The following IER3IP1 variants were observed in gnomAD, a reference collection of about 807,000 sequenced individuals.
IER3IP1 encodes immediate early response 3 interacting protein 1, also known as immediate early response 3-interacting protein 1.
IER3IP1 carries 16 observed loss-of-function variants against 12.2 expected under a neutral mutation model. That is an observed-to-expected ratio of 1.31 (90% CI 0.89 to 1.99). IER3IP1 has a LOEUF of 1.99. Ranked by LOEUF, IER3IP1 falls within the 30% of genes most tolerant of loss-of-function variation. IER3IP1 has a pLI of 0.00. For missense variants in IER3IP1, 95 were observed against 95.8 expected (o/e 0.99, Z 0.03); for synonymous variants, 42 against 40.0 (o/e 1.05, Z -0.19).
rs1262080519 is a variant in IER3IP1 at position 47,155,669 on chromosome 18, CAAAAT to C, written c.*503_*507del. 3 of 152,442 alleles carry C rather than the reference CAAAAT, an allele frequency of 2.0e-5. No homozygotes were observed. In the East Asian group the frequency reaches 5.8e-4, roughly 29 times the overall value. 9.4% of individuals were successfully genotyped at this position (152,442 alleles called of 1,614,324 possible). ...TTGAATTTATAGCTGAGACAATAGA[CAAAAT>C]AATTAACCAAGGAGCTTAAAATAAA... On this transcript the variant is annotated 3_prime_UTR_variant, in exon 3 of 3. Transcript: ENST00000256433.
rs35347851 is a variant in IER3IP1, at chr18:47,168,301, C to CAAAAAAAAAA, written c.91+7876_91+7885dup. Among the ~76,000 whole-genome samples, 154 of 107,090 alleles carry CAAAAAAAAAA rather than the reference C, an allele frequency of 1.4e-3. 1 individual carries two copies. Among genetic ancestry groups the CAAAAAAAAAA allele is most frequent in the African/African-American group, 4.4e-3 (115 of 26,140 alleles). The allele number at this position is 107,090 out of a possible 152,430, so 70.3% of individuals were successfully genotyped here. A position where few individuals can be genotyped will look rare whatever the true frequency, so the allele number is the denominator to read the frequency against. On this transcript the variant is annotated intron_variant, in intron 1 of 2. Transcript: ENST00000256433. The stretch of plus-strand genomic sequence containing the variant: ...TGGGCCACAGTGCAAGACTCCATCA[C>CAAAAAAAAAA]AAAAAAAAAAAAAAAAAGACAAAAA...
chr18:47,158,231 T>G (rs1458038495), intron 1 of IER3IP1, among the ~76,000 whole-genome samples: 1 of 152,242 alleles, frequency 6.6e-6, no homozygotes, highest in East Asian at 1.9e-4. Flanking sequence ...GGTCTCACTT[T>G]GCTGCCTAGG....
chr18:47,176,252 A>C lies in IER3IP1; in HGVS notation c.26T>G (p.Leu9Arg), dbSNP rs964473449. 1 of 1,609,614 alleles carries C rather than the reference A, an allele frequency of 6.2e-7. No homozygotes were observed. The highest frequency in any genetic ancestry group is 8.5e-7 in the Non-Finnish European group (1 of 1,178,160). MAFTLYSL[L>R]QAALLCVNAI... ...GTTGACGCAGAGCAGGGCTGCCTGC[A>C]GCAGTGAGTACAGGGTAAAGGCCAT... Residue 9 changes from leucine to arginine, a missense_variant, in exon 1 of 3, where the codon CTG (leucine) becomes CGG (arginine). Transcript: ENST00000256433.
At chr18:47,176,135 GC>G in intron 1 of IER3IP1, 51 bp downstream of exon 1, 3 of 1,473,410 alleles carry the variant, frequency 2.0e-6, no homozygotes, top group Non-Finnish European at 1.9e-6. Flanking sequence ...TAGGTTACGC[GC>G]CCCCGGGGAC....
chr18:47,157,494 C>A lies in IER3IP1; in HGVS notation c.135G>T (p.Glu45Asp). Residue 45 changes from glutamate (E) to aspartate (D), a missense_variant, in exon 2 of 3, where the codon GAG becomes GAT. Transcript: ENST00000256433. Reference sequence around the variant, plus strand: ...TCATTAGCTGTGATTTAATTCCCGGCTCTTCTCCAAATCCACCAATTCCCT... The same window carrying A: ...TCATTAGCTGTGATTTAATTCCCGGATCTTCTCCAAATCCACCAATTCCCT... Reference protein sequence around the residue: ...TDQGIGGFGEEPGIKSQLMNL... With the variant: ...TDQGIGGFGEDPGIKSQLMNL... 2 of 1,614,176 alleles carry A rather than the reference C, an allele frequency of 1.2e-6. No homozygotes were observed. The highest frequency in any genetic ancestry group is 1.7e-6 in the Non-Finnish European group (2 of 1,180,028).
At chr18:47,162,245 T>C (rs921052759) in intron 1 of IER3IP1, among the ~76,000 whole-genome samples, 8 of 152,172 alleles carry the variant, frequency 5.3e-5, no homozygotes, top group Non-Finnish European at 1.2e-4. Context: ...TTTGGGGGCC[T>C]CACCTCAATG....
intron 1 of IER3IP1, among the ~76,000 whole-genome samples, chr18:47,173,130 C>T (rs533863455): frequency 2.0e-5 from 3 of 152,172 alleles, no homozygotes; most frequent in African/African-American, 4.8e-5. Context: ...TCTCCACTTG[C>T]GTATCTCATA....
At position 47,172,853 on chromosome 18, in the gene IER3IP1, C is replaced by T. The variant is rs1167499891; in HGVS notation, c.91+3334G>A. On this transcript the variant is annotated intron_variant, in intron 1 of 2. Transcript: ENST00000256433. This position sits in a 1 kb window ranked among gnomAD's most constrained non-coding sequence, Gnocchi z 4.0. Reference sequence around the variant, plus strand: ...ACACTTCCTGACTCTGGTGAAATCCCACTGTCTAGGTTTTTCCATCTCTCT... The same window carrying T: ...ACACTTCCTGACTCTGGTGAAATCCTACTGTCTAGGTTTTTCCATCTCTCT... Among the ~76,000 whole-genome samples, 8 of 152,152 alleles carry T rather than the reference C, an allele frequency of 5.3e-5. No individual in the cohort carries two copies. In the South Asian group the frequency reaches 8.3e-4, roughly 16 times the overall value.
Position 47,176,307 on chromosome 18 carries a change from C to G in IER3IP1, c.-30G>C, listed in dbSNP as rs2064034030. The G allele has an allele frequency of 3.8e-6, 6 of 1,565,974 alleles. No homozygotes were observed. Among genetic ancestry groups the G allele is most frequent in the Non-Finnish European group, 4.3e-6 (5 of 1,150,164 alleles). ...GTCCGAGGCCGCCCCGAAGTCCAAG[C>G]GATTTCTCTCCCGCCGCCGCAAGGG... On this transcript the variant is annotated 5_prime_UTR_variant, in exon 1 of 3. Coordinates refer to ENST00000256433, the MANE Select transcript of IER3IP1 (RefSeq NM_016097.5).
At chr18:47,163,565 T>A (rs2063986461) in intron 1 of IER3IP1, among the ~76,000 whole-genome samples, 1 of 152,222 alleles carries the variant, frequency 6.6e-6, no homozygotes, top group African/African-American at 2.4e-5. Context: ...AGGACTAGTA[T>A]ACTTGTGCTC....
chr18:47,158,209 A>G (rs2063967694), intron 1 of IER3IP1, among the ~76,000 whole-genome samples: 1 of 152,232 alleles, frequency 6.6e-6, no homozygotes, highest in African/African-American at 2.4e-5. Context: ...AATTACCATA[A>G]TATAGAGACA....
intron 1 of IER3IP1, 59 bp downstream of exon 1, chr18:47,176,128 G>A: frequency 7.0e-7 from 1 of 1,427,804 alleles, no homozygotes; most frequent in Non-Finnish European, 9.6e-7. Flanking sequence ...GCCCCATTAG[G>A]TTACGCGCCC....
intron 1 of IER3IP1, among the ~76,000 whole-genome samples, chr18:47,175,510 C>T (rs2064029559): frequency 6.6e-6 from 1 of 152,156 alleles, no homozygotes; most frequent in African/African-American, 2.4e-5. Flanking sequence ...ATTGCCCAGG[C>T]TGGAGTGCAA....
At chr18:47,169,544 A>G (rs1267377057) in intron 1 of IER3IP1, among the ~76,000 whole-genome samples, 1 of 152,010 alleles carries the variant, frequency 6.6e-6, no homozygotes, top group African/African-American at 2.4e-5. Flanking sequence ...CGACAATTCC[A>G]ATTTCTTCAC....
At chr18:47,166,077 T>C (rs527249701) in intron 1 of IER3IP1, among the ~76,000 whole-genome samples, 1 of 152,316 alleles carries the variant, frequency 6.6e-6, no homozygotes, top group South Asian at 2.1e-4. Context: ...TTTTTGCAGG[T>C]ATCAAAATCC....
chr18:47,165,215 A>G (rs1377243449), intron 1 of IER3IP1, among the ~76,000 whole-genome samples: 1 of 149,352 alleles, frequency 6.7e-6, no homozygotes, highest in Admixed American at 6.6e-5. Flanking sequence ...AAACTACACA[A>G]AGAACTCTGC....
chr18:47,172,879 G>C lies in IER3IP1; in HGVS notation c.91+3308C>G, dbSNP rs139782855. Among the ~76,000 whole-genome samples, 27 of 152,180 alleles carry C rather than the reference G, an allele frequency of 1.8e-4. No individual in the cohort carries two copies. Among genetic ancestry groups the C allele is most frequent in the African/African-American group, 6.3e-4 (26 of 41,504 alleles). On this transcript the variant is annotated intron_variant, in intron 1 of 2. Coordinates refer to ENST00000256433, the MANE Select transcript of IER3IP1 (RefSeq NM_016097.5). The surrounding 1 kb of genome is among the most constrained non-coding windows in gnomAD (Gnocchi z 4.0). ...ACTGTCTAGGTTTTTCCATCTCTCTGTTTTGCTCACTTGTCAAGTTCTCCT... is the reference window on the plus strand; with the variant it reads ...ACTGTCTAGGTTTTTCCATCTCTCTCTTTTGCTCACTTGTCAAGTTCTCCT...
chr18:47,162,335 G>A (rs1011707979), intron 1 of IER3IP1, among the ~76,000 whole-genome samples: 1 of 152,168 alleles, frequency 6.6e-6, no homozygotes, highest in African/African-American at 2.4e-5. Context: ...CTTCCAAAGA[G>A]CTTCTCAGTC....
chr18:47,164,784 A>C (rs1356715457), intron 1 of IER3IP1, among the ~76,000 whole-genome samples: 1 of 151,226 alleles, frequency 6.6e-6, no homozygotes, highest in Admixed American at 6.6e-5. Flanking sequence ...TTTCCAAAAA[A>C]AAAAAACAAG....
Sources: allele counts gnomAD v4.1 joint callset (sites outside exome capture counted in the v4.1 genomes callset), GRCh38; gene constraint gnomAD v4.1.1; non-coding constraint Gnocchi (gnomAD v3.1); transcripts MANE v1.5; gene names NCBI Gene and HGNC (gene_info 2026-07-23, HGNC 2026-07-21).